Variants in PIBF1 observed in about 807,000 individuals in gnomAD.
PIBF1 encodes progesterone immunomodulatory binding factor 1, also known as progesterone-induced-blocking factor 1.
In PIBF1, 90 loss-of-function variants were observed where a neutral mutation model predicts 112.5. The ratio of observed to expected loss-of-function variants is 0.80; its 90% CI spans 0.67 to 0.95. The LOEUF (loss-of-function observed/expected upper bound fraction) is 0.95, where lower values mean the gene tolerates loss of function less well. Ranked by LOEUF, PIBF1 falls within the 40% of genes least tolerant of loss-of-function variation. The pLI, the probability that PIBF1 is intolerant of heterozygous loss-of-function variation, is 0.00. For synonymous variants in PIBF1, 301 were observed against 288.6 expected, an observed-to-expected ratio of 1.04 and a Z score of -0.44; for missense variants, 915 against 852.3, an observed-to-expected ratio of 1.07 and a Z score of -0.92.
intron 9 of PIBF1, among the ~76,000 whole-genome samples, chr13:72,851,684 C>T (rs933595151): frequency 3.3e-5 from 5 of 152,228 alleles, no homozygotes; most frequent in African/African-American, 1.2e-4. Flanking sequence ...GCTGCGCCAC[C>T]AGTTTCACAG....
Position 72,854,105 on chromosome 13 carries a change from A to G in PIBF1, c.1272A>G (p.Ala424=). The change falls in exon 10 of 18, where the codon GCA becomes GCG. Residue 424 remains alanine (A), a synonymous_variant. Coordinates refer to ENST00000326291, the MANE Select transcript of PIBF1 (RefSeq NM_006346.4). Reference sequence around the variant, plus strand: ...ATGCTGTGGCTGAAAAGGAACGAGCAGTGATGGCTGAAAAGGATGCTTTAG... The same window carrying G: ...ATGCTGTGGCTGAAAAGGAACGAGCGGTGATGGCTGAAAAGGATGCTTTAG... ...RDNAVAEKER[A]VMAEKDALEK... is the part of the protein sequence containing the mutation. The G allele has an allele frequency of 6.2e-7, 1 of 1,613,760 alleles. No individual in the cohort carries two copies. Among genetic ancestry groups the G allele is most frequent in the Non-Finnish European group, 8.5e-7 (1 of 1,179,680 alleles).
chr13:72,867,472 A>G (rs1203013540), intron 10 of PIBF1, among the ~76,000 whole-genome samples: 1 of 152,216 alleles, frequency 6.6e-6, no homozygotes, highest in Non-Finnish European at 1.5e-5. Flanking sequence ...TCATCTAGTT[A>G]GTTGATTTTT....
intron 14 of PIBF1, among the ~76,000 whole-genome samples, chr13:72,952,351 G>T (rs1408749018): frequency 6.6e-6 from 1 of 151,962 alleles, no homozygotes; most frequent in Non-Finnish European, 1.5e-5. Flanking sequence ...ACCATGCCCG[G>T]CCCAGCTTTA....
intron 13 of PIBF1, among the ~76,000 whole-genome samples, chr13:72,917,969 A>G (rs2041158348): frequency 6.6e-6 from 1 of 152,222 alleles, no homozygotes; most frequent in East Asian, 1.9e-4. Flanking sequence ...GAGAATGTAC[A>G]CTGGAACCAT....
intron 13 of PIBF1, among the ~76,000 whole-genome samples, chr13:72,930,605 A>AT (rs1278344628): frequency 6.6e-6 from 1 of 152,092 alleles, no homozygotes; most frequent in Non-Finnish European, 1.5e-5. Context: ...AGAGGGAGTG[A>AT]TTTTTTTCTT....
chr13:72,819,599 TG>T (rs2036448514), intron 5 of PIBF1, among the ~76,000 whole-genome samples: 2 of 152,104 alleles, frequency 1.3e-5, no homozygotes, highest in African/African-American at 4.8e-5. Flanking sequence ...TTACGAGCTC[TG>T]AGACTTTCCA....
chr13:72,927,113 G>C (rs2041510499), intron 13 of PIBF1, among the ~76,000 whole-genome samples: 5 of 149,070 alleles, frequency 3.4e-5, no homozygotes. Context: ...CTAGGCTGTA[G>C]TGCAGTGGCA....
rs10645002 is a variant in PIBF1 at position 73,001,582 on chromosome 13, C to CTTTTTTTTTTTTTTTTTTTTTT, written c.2223+2605_2223+2606insTTTTTTTTTTTTTTTTTTTTTT. Among the ~76,000 whole-genome samples, 35 of 29,170 alleles carry CTTTTTTTTTTTTTTTTTTTTTT rather than the reference C, an allele frequency of 1.2e-3. 10 individuals are homozygous for CTTTTTTTTTTTTTTTTTTTTTT. Among genetic ancestry groups the CTTTTTTTTTTTTTTTTTTTTTT allele is most frequent in the East Asian group, 3.1e-3 (2 of 642 alleles). The allele number at this position is 29,170 out of a possible 152,430, so 19.1% of individuals were successfully genotyped here. A position where few individuals can be genotyped will look rare whatever the true frequency, so the allele number is the denominator to read the frequency against. ...CAGAGGAGGAGAAATAAGAGCTTGACTTTTTTTTTTTTTTTTTTGACACTT... is the reference window on the plus strand; with the variant it reads ...CAGAGGAGGAGAAATAAGAGCTTGACTTTTTTTTTTTTTTTTTTTTTTTTTTTTTTTTTTTTTTTTGACACTT... On this transcript the variant is annotated intron_variant, in intron 17 of 17. Transcript: ENST00000326291.
chr13:72,944,108 A>G (rs2042084490), intron 14 of PIBF1, among the ~76,000 whole-genome samples: 1 of 152,206 alleles, frequency 6.6e-6, no homozygotes, highest in African/African-American at 2.4e-5. Flanking sequence ...TAAAGGAAAT[A>G]ATAGGTCCAG....
At chr13:72,809,085 C>G (rs370172362) in intron 5 of PIBF1, among the ~76,000 whole-genome samples, 5 of 147,008 alleles carry the variant, frequency 3.4e-5, no homozygotes, top group African/African-American at 1.3e-4. Context: ...TCTTTCTTAT[C>G]CAAAATGGTC....
intron 14 of PIBF1, among the ~76,000 whole-genome samples, chr13:72,963,085 C>G (rs1271996873): frequency 6.6e-6 from 1 of 152,044 alleles, no homozygotes; most frequent in Admixed American, 6.5e-5. Flanking sequence ...TATCTACATG[C>G]AAAAGAATGA....
chr13:72,827,202 A>G (rs965257694), intron 7 of PIBF1, 84 bp downstream of exon 7: 1 of 499,264 alleles, frequency 2.0e-6, no homozygotes, highest in Non-Finnish European at 3.3e-6. Context: ...AAGGAGAGAC[A>G]TTTTTTTTGT....
intron 8 of PIBF1, among the ~76,000 whole-genome samples, chr13:72,831,124 A>AT (rs1174478229): frequency 2.0e-5 from 3 of 151,206 alleles, no homozygotes; most frequent in Non-Finnish European, 4.4e-5. Context: ...CCCCTTTATC[A>AT]TTTTTTATTG....
At chr13:72,986,353 A>G (rs2043287553) in intron 16 of PIBF1, among the ~76,000 whole-genome samples, 1 of 152,184 alleles carries the variant, frequency 6.6e-6, no homozygotes, top group African/African-American at 2.4e-5. Flanking sequence ...GTAATCAGTA[A>G]TGAGATGCAC....
chr13:72,838,465 G>A lies in PIBF1; in HGVS notation c.1223+3097G>A, dbSNP rs187613024. Among the ~76,000 whole-genome samples, 10 of 152,280 alleles carry A rather than the reference G, an allele frequency of 6.6e-5. No individual in the cohort carries two copies. The East Asian group carries it at 9.6e-4, about 15-fold the overall frequency. On this transcript the variant is annotated intron_variant, in intron 9 of 17. Transcript: ENST00000326291. ...AGTTTAATTGAGCAATGAACAATTC[G>A]CAAATCAGGCAGCTTCCAGAATCAC... is the stretch of plus-strand genomic sequence containing the variant.
At chr13:72,866,985 A>G (rs563722730) in intron 10 of PIBF1, among the ~76,000 whole-genome samples, 9 of 152,334 alleles carry the variant, frequency 5.9e-5, no homozygotes, top group African/African-American at 1.9e-4. Context: ...ATTACTGTAA[A>G]TGAAAGGAAA....
intron 16 of PIBF1, among the ~76,000 whole-genome samples, chr13:72,997,836 A>G (rs1407772496): frequency 6.6e-6 from 1 of 151,048 alleles, no homozygotes; most frequent in African/African-American, 2.4e-5. Flanking sequence ...ATCTCTCCAT[A>G]TACTTGTATA....
rs116571598 is a variant in PIBF1, at chr13:72,913,621, A to T, written c.1640-3455A>T. On this transcript the variant is annotated intron_variant, in intron 12 of 17. Transcript: ENST00000326291. Reference sequence around the variant, plus strand: ...GGCAAGACCATCTCTACAAAAAAATAAAAAATGAACCAGGCATGGTGGTGC... The same window carrying T: ...GGCAAGACCATCTCTACAAAAAAATTAAAAATGAACCAGGCATGGTGGTGC... Among the ~76,000 whole-genome samples, 1,012 of 152,210 alleles carry T rather than the reference A, an allele frequency of 6.6e-3. 14 individuals carry two copies. Among genetic ancestry groups the T allele is most frequent in the African/African-American group, 0.023 (959 of 41,524 alleles).
chr13:72,935,856 T>A (rs1057432774), intron 14 of PIBF1, among the ~76,000 whole-genome samples: 1 of 152,062 alleles, frequency 6.6e-6, no homozygotes, highest in African/African-American at 2.4e-5. Context: ...TCTCCTCACA[T>A]TTTTTGTCTG....
Sources: allele counts gnomAD v4.1 joint callset (sites outside exome capture counted in the v4.1 genomes callset), GRCh38; gene constraint gnomAD v4.1.1; transcripts MANE v1.5; gene names NCBI Gene and HGNC (gene_info 2026-07-23, HGNC 2026-07-21).